Variants in LHCGR observed in about 807,000 individuals in gnomAD.
LHCGR encodes the protein luteinizing hormone/choriogonadotropin receptor, also known as lutropin-choriogonadotropic hormone receptor.
Under a neutral mutation model 60.7 loss-of-function variants are expected in LHCGR, and 55 were observed. That is an observed-to-expected ratio of 0.91 (90% CI 0.73 to 1.13). The LOEUF (loss-of-function observed/expected upper bound fraction) is 1.13, where lower values mean the gene tolerates loss of function less well. Among genes scored for constraint, LHCGR ranks in the 50% most tolerant of loss-of-function variants. The pLI is 0.00. For missense variants in LHCGR, 862 were observed against 836.0 expected (o/e 1.03, Z -0.38); for synonymous variants, 337 against 316.5 (o/e 1.06, Z -0.69).
intron 1 of LHCGR, among the ~76,000 whole-genome samples, chr2:48,738,209 A>G (rs1669284087): frequency 6.6e-6 from 1 of 152,114 alleles, no homozygotes; most frequent in African/African-American, 2.4e-5. Context: ...ATCCTCCTCT[A>G]CACTTAATTA....
rs549649504 is a variant in LHCGR, at chr2:48,725,767, A to G, written c.309-17T>C. The G allele has an allele frequency of 5.2e-5, 80 of 1,548,952 alleles. No homozygotes were observed. In the East Asian group the frequency reaches 5.2e-4, roughly 10 times the overall value. The stretch of plus-strand genomic sequence containing the variant: ...TGGATCAGTCTGTAAAGAGAGAGGG[A>G]AAAAAAAAGCTGCTGTTTAATAGAT... On this transcript the variant is annotated splice_polypyrimidine_tract_variant and intron_variant, in intron 3 of 10. Coordinates refer to ENST00000294954, the MANE Select transcript of LHCGR (RefSeq NM_000233.4).
intron 1 of LHCGR, among the ~76,000 whole-genome samples, chr2:48,745,815 G>T (rs1235696548): frequency 4.0e-5 from 6 of 151,384 alleles, no homozygotes; most frequent in Non-Finnish European, 5.9e-5. Flanking sequence ...CCTGCATGTT[G>T]TGCACATGTA....
chr2:48,732,549 A>C (rs774442644), intron 1 of LHCGR, among the ~76,000 whole-genome samples: 6 of 152,188 alleles, frequency 3.9e-5, no homozygotes, highest in Non-Finnish European at 7.3e-5. Context: ...ATAGCAGAAG[A>C]AATTGGGTCA....
At chr2:48,695,849 A>C (rs1667093249) in intron 9 of LHCGR, among the ~76,000 whole-genome samples, 1 of 152,212 alleles carries the variant, frequency 6.6e-6, no homozygotes, top group African/African-American at 2.4e-5. Context: ...ACATATGAAC[A>C]TAACTGGGAA....
chr2:48,691,126 A>G (rs1359676592), intron 10 of LHCGR, among the ~76,000 whole-genome samples: 2 of 152,248 alleles, frequency 1.3e-5, no homozygotes, highest in Admixed American at 6.5e-5. Flanking sequence ...ATATGTATTT[A>G]TAATACATTT....
At chr2:48,754,117 T>C (rs181905649) in intron 1 of LHCGR, among the ~76,000 whole-genome samples, 1 of 152,262 alleles carries the variant, frequency 6.6e-6, no homozygotes, top group African/African-American at 2.4e-5. Flanking sequence ...TGAAACAAAT[T>C]CTATCAGCAT....
At chr2:48,744,565 G>C (rs1669613255) in intron 1 of LHCGR, among the ~76,000 whole-genome samples, 2 of 39,402 alleles carry the variant, frequency 5.1e-5, no homozygotes, top group African/African-American at 1.1e-4. Flanking sequence ...TCTGATCTTT[G>C]ACAAACCTGA....
In LHCGR at chr2:48,698,818, G is replaced by T; in HGVS notation, c.681-18C>A. The stretch of plus-strand genomic sequence containing the variant: ...AAATATCCCTGAACAATAAAGGGGA[G>T]AAATGCTTTTTATTTATTTATTTTA... On this transcript the variant is annotated intron_variant, in intron 8 of 10. Transcript: ENST00000294954. The T allele has an allele frequency of 2.5e-6, 4 of 1,593,878 alleles. No individual in the cohort carries two copies. Among genetic ancestry groups the T allele is most frequent in the Non-Finnish European group, 3.4e-6 (4 of 1,164,026 alleles).
intron 9 of LHCGR, among the ~76,000 whole-genome samples, 187 bp downstream of exon 9, chr2:48,698,428 T>G (rs1214863458): frequency 6.6e-6 from 1 of 152,214 alleles, no homozygotes; most frequent in Non-Finnish European, 1.5e-5. Flanking sequence ...AACTATTTGG[T>G]AGCAGTTTCC....
chr2:48,716,759 G>C (rs755398620), intron 6 of LHCGR, among the ~76,000 whole-genome samples: 1 of 152,070 alleles, frequency 6.6e-6, no homozygotes, highest in Non-Finnish European at 1.5e-5. Flanking sequence ...TTCCTTTATA[G>C]CAGTCTCTTT....
chr2:48,710,549 G>T (rs544034150), intron 7 of LHCGR, among the ~76,000 whole-genome samples: 41 of 152,294 alleles, frequency 2.7e-4, no homozygotes, highest in South Asian at 8.3e-4. Context: ...TTTCCTGGGG[G>T]TCACTTTTGA....
chr2:48,691,013 T>G (rs1457247687), intron 10 of LHCGR, among the ~76,000 whole-genome samples: 1 of 152,206 alleles, frequency 6.6e-6, no homozygotes, highest in East Asian at 1.9e-4. Flanking sequence ...CACAGCATGA[T>G]GCATGTAGGC....
chr2:48,699,554 T>A (rs932266338), intron 8 of LHCGR, among the ~76,000 whole-genome samples: 1 of 152,188 alleles, frequency 6.6e-6, no homozygotes, highest in Admixed American at 6.5e-5. Flanking sequence ...CAGTCTTTGA[T>A]TGATTAAGCC....
At chr2:48,734,451 G>T (rs1203902382) in intron 1 of LHCGR, among the ~76,000 whole-genome samples, 1 of 152,142 alleles carries the variant, frequency 6.6e-6, no homozygotes, top group East Asian at 1.9e-4. Flanking sequence ...AATGTTACTT[G>T]AATGAAGAAA....
intron 2 of LHCGR, 55 bp downstream of exon 2, chr2:48,731,172 A>G: frequency 7.9e-7 from 1 of 1,265,806 alleles, no homozygotes; most frequent in South Asian, 1.2e-5. Flanking sequence ...TTTCTCTTAG[A>G]AAAAATTCAT....
At chr2:48,733,424 G>T (rs1470193931) in intron 1 of LHCGR, among the ~76,000 whole-genome samples, 1 of 152,188 alleles carries the variant, frequency 6.6e-6, no homozygotes, top group Non-Finnish European at 1.5e-5. Context: ...GGACAGAAGT[G>T]CAAGAAGCTG....
chr2:48,754,852 C>T (rs1173450283), intron 1 of LHCGR, among the ~76,000 whole-genome samples: 1 of 152,208 alleles, frequency 6.6e-6, no homozygotes, highest in East Asian at 1.9e-4. Flanking sequence ...CCCCAGGTTG[C>T]TGATGTATAC....
chr2:48,691,927 G>T (rs1029615525), intron 10 of LHCGR, among the ~76,000 whole-genome samples: 1 of 152,046 alleles, frequency 6.6e-6, no homozygotes, highest in African/African-American at 2.4e-5. Context: ...AAGATTAAAG[G>T]AGGTAAGTGA....
chr2:48,748,480 A>G (rs112860757), intron 1 of LHCGR, among the ~76,000 whole-genome samples: 63 of 152,318 alleles, frequency 4.1e-4, no homozygotes, highest in African/African-American at 1.4e-3. Flanking sequence ...AAGGCCAGAA[A>G]TTAGACTCAA....
Sources: allele counts gnomAD v4.1 joint callset (sites outside exome capture counted in the v4.1 genomes callset), GRCh38; gene constraint gnomAD v4.1.1; transcripts MANE v1.5; gene names NCBI Gene and HGNC (gene_info 2026-07-23, HGNC 2026-07-21).